The following KDM4C variants were observed in gnomAD, a reference collection of about 807,000 sequenced individuals.
The protein encoded by KDM4C is lysine demethylase 4C.
In KDM4C, 81 loss-of-function variants were observed where a neutral mutation model predicts 129.3. The observed-to-expected ratio is 0.63, with a 90% confidence interval of 0.52 to 0.75. The LOEUF (loss-of-function observed/expected upper bound fraction) is 0.75, where lower values mean the gene tolerates loss of function less well. Among genes scored for constraint, KDM4C ranks in the 30% least tolerant of loss-of-function variants. KDM4C has a pLI of 0.00. For synonymous variants in KDM4C, 573 were observed against 456.1 expected, an observed-to-expected ratio of 1.26 and a Z score of -3.26; for missense variants, 1,457 against 1,304.0, an observed-to-expected ratio of 1.12 and a Z score of -1.81.
At chr9:7,141,586 G>A (rs144016119) in intron 19 of KDM4C, among the ~76,000 whole-genome samples, 1 of 152,282 alleles carries the variant, frequency 6.6e-6, no homozygotes, top group Non-Finnish European at 1.5e-5. Context: ...CAGGATTCTG[G>A]CTTGCTCAGC....
At position 6,758,993 on chromosome 9, in the gene KDM4C, T is replaced by TCGAG. The variant is rs1376287012; in HGVS notation, c.-18+791_-18+792insGAGC. Among the ~76,000 whole-genome samples, 1 of 151,668 alleles carries TCGAG rather than the reference T, an allele frequency of 6.6e-6. No individual in the cohort carries two copies. ...TTTCCGCGTGGACTTGATGCTGGGC[T>TCGAG]CCCCCTTTGCTGCGCGGTGCAAGCC... On this transcript the variant is annotated intron_variant, in intron 1 of 21. Coordinates refer to ENST00000381309, the MANE Select transcript of KDM4C (RefSeq NM_015061.6). The surrounding 1 kb of genome is among the most constrained non-coding windows in gnomAD (Gnocchi z 4.6).
At chr9:6,771,525 G>T (rs768331881) in intron 1 of KDM4C, among the ~76,000 whole-genome samples, 18 of 151,308 alleles carry the variant, frequency 1.2e-4, no homozygotes, top group African/African-American at 4.4e-4. Context: ...TGGTCAGGCC[G>T]GTCTCGAACT....
rs1830886864 is a variant in KDM4C at position 6,810,187 on chromosome 9, C to A, written c.320+4413C>A. ...TCAGCATGGTATCGGTTTTCTACTT[C>A]AAGATAATTTTACTGAGTACACATT... On this transcript the variant is annotated intron_variant, in intron 3 of 21. Coordinates refer to ENST00000381309, the MANE Select transcript of KDM4C (RefSeq NM_015061.6). Among the ~76,000 whole-genome samples the A allele has an allele frequency of 4.6e-5, 7 of 152,088 alleles. No homozygotes were observed. In the South Asian group the frequency reaches 1.5e-3, roughly 32 times the overall value.
intron 21 of KDM4C, chr9:7,170,911 G>T: frequency 1.5e-5 from 2 of 131,336 alleles, no homozygotes; most frequent in South Asian, 2.7e-4. Flanking sequence ...AATAGCTGAT[G>T]AGCTACTAAA....
chr9:6,913,154 A>T (rs559956979), intron 8 of KDM4C, among the ~76,000 whole-genome samples: 1 of 152,364 alleles, frequency 6.6e-6, no homozygotes, highest in South Asian at 2.1e-4. Flanking sequence ...ATAAAGCACT[A>T]GTACTTATTC....
intron 17 of KDM4C, among the ~76,000 whole-genome samples, chr9:7,059,402 C>A (rs1831306898): frequency 6.6e-6 from 1 of 152,096 alleles, no homozygotes; most frequent in African/African-American, 2.4e-5. Flanking sequence ...CGCGCCTAGC[C>A]CTCGAGAGTA....
At chr9:6,964,220 C>G (rs966857289) in intron 8 of KDM4C, among the ~76,000 whole-genome samples, 2 of 151,950 alleles carry the variant, frequency 1.3e-5, no homozygotes, top group African/African-American at 2.4e-5. Context: ...GGTATATCTT[C>G]TATTGCTATC....
intron 8 of KDM4C, among the ~76,000 whole-genome samples, chr9:6,918,287 C>A (rs1007041784): frequency 6.6e-6 from 1 of 152,088 alleles, no homozygotes; most frequent in African/African-American, 2.4e-5. Context: ...GTTTTTTGTT[C>A]TTAGGTTAAT....
chr9:6,918,005 T>G (rs184504700), intron 8 of KDM4C, among the ~76,000 whole-genome samples: 2 of 152,348 alleles, frequency 1.3e-5, no homozygotes, highest in Non-Finnish European at 2.9e-5. Context: ...GAAAAATATC[T>G]TCTCTTTTTA....
At chr9:6,813,168 C>T (rs956785814) in intron 3 of KDM4C, among the ~76,000 whole-genome samples, 2 of 151,816 alleles carry the variant, frequency 1.3e-5, no homozygotes, top group Non-Finnish European at 2.9e-5. Context: ...AGAGTGAGAC[C>T]GTCTCAAAAC....
At chr9:7,096,228 A>G (rs924130009) in intron 17 of KDM4C, among the ~76,000 whole-genome samples, 1 of 152,232 alleles carries the variant, frequency 6.6e-6, no homozygotes, top group Non-Finnish European at 1.5e-5. Flanking sequence ...ATTCATCAGC[A>G]AATGCTGCTG....
rs990132183 is a variant in KDM4C at position 6,880,092 on chromosome 9, T to C, written c.679+31T>C. 16 of 1,441,486 alleles carry C rather than the reference T, an allele frequency of 1.1e-5. No individual in the cohort carries two copies. The African/African-American group carries it at 1.7e-4, about 15-fold the overall frequency. The allele number at this position is 1,441,486 out of a possible 1,614,324, so 89.3% of individuals were successfully genotyped here. A position where few individuals can be genotyped will look rare whatever the true frequency, so the allele number is the denominator to read the frequency against. Reference sequence around the variant, plus strand: ...ACTTGCTTTTTAAATTTGTTTTCTGTGTTTTATATGTTTCTGTGTTTTGTA... The same window carrying C: ...ACTTGCTTTTTAAATTTGTTTTCTGCGTTTTATATGTTTCTGTGTTTTGTA... On this transcript the variant is annotated intron_variant, in intron 6 of 21. Coordinates refer to ENST00000381309, the MANE Select transcript of KDM4C (RefSeq NM_015061.6).
At chr9:6,935,858 T>A (rs1824686272) in intron 8 of KDM4C, among the ~76,000 whole-genome samples, 1 of 152,168 alleles carries the variant, frequency 6.6e-6, no homozygotes. Context: ...CTGATTTTTG[T>A]CAACAAGAAA....
intron 17 of KDM4C, among the ~76,000 whole-genome samples, chr9:7,067,466 C>A (rs1204032634): frequency 6.6e-6 from 1 of 152,158 alleles, no homozygotes; most frequent in East Asian, 1.9e-4. Context: ...AGAAATGTTC[C>A]ACTTAAATGA....
chr9:6,760,925 T>C (rs1433586016), intron 1 of KDM4C, among the ~76,000 whole-genome samples: 1 of 151,830 alleles, frequency 6.6e-6, no homozygotes, highest in Admixed American at 6.6e-5. Context: ...CCTATTCCAC[T>C]GCCAACTTCA....
intron 2 of KDM4C, among the ~76,000 whole-genome samples, chr9:6,802,763 C>T (rs974090535): frequency 2.0e-5 from 3 of 152,150 alleles, no homozygotes; most frequent in Non-Finnish European, 2.9e-5. Context: ...TTGACCACCA[C>T]GTTTGGCTAA....
chr9:6,941,201 G>T (rs1397993222), intron 8 of KDM4C, among the ~76,000 whole-genome samples: 1 of 152,088 alleles, frequency 6.6e-6, no homozygotes, highest in African/African-American at 2.4e-5. Context: ...CAGAGATAGG[G>T]TTTCACCACA....
chr9:6,813,377 G>A (rs944028216), intron 3 of KDM4C, among the ~76,000 whole-genome samples: 2 of 152,018 alleles, frequency 1.3e-5, no homozygotes, highest in African/African-American at 4.8e-5. Context: ...CTAGTGTTCT[G>A]GGTAAATTCA....
intron 5 of KDM4C, among the ~76,000 whole-genome samples, chr9:6,876,995 A>C (rs1319835003): frequency 6.6e-6 from 1 of 152,184 alleles, no homozygotes; most frequent in Non-Finnish European, 1.5e-5. Flanking sequence ...AAATCACCCC[A>C]TTCTTTCGTT....
Sources: allele counts gnomAD v4.1 joint callset (sites outside exome capture counted in the v4.1 genomes callset), GRCh38; gene constraint gnomAD v4.1.1; non-coding constraint Gnocchi (gnomAD v3.1); transcripts MANE v1.5; gene names NCBI Gene and HGNC (gene_info 2026-07-23, HGNC 2026-07-21).